MCC: variants seen among roughly 807,000 people sequenced by gnomAD.
The protein encoded by MCC is MCC regulator of Wnt signaling pathway.
A neutral mutation model predicts 116.2 loss-of-function variants in MCC; 90 were observed. That is an observed-to-expected ratio of 0.77 (90% CI 0.65 to 0.92). The LOEUF (loss-of-function observed/expected upper bound fraction) is 0.92, where lower values mean the gene tolerates loss of function less well. MCC is among the 40% of genes least tolerant of loss of function. The probability of loss-of-function intolerance (pLI) is 0.00; values close to 1 mark genes in which losing one functional copy is unlikely to be tolerated. For synonymous variants in MCC, 578 were observed against 510.5 expected (o/e 1.13, Z -1.78); for missense variants, 1,516 against 1,312.2 (o/e 1.16, Z -2.40).
chr5:113,370,036 A>G (rs1768799830), intron 2 of MCC, among the ~76,000 whole-genome samples: 1 of 152,244 alleles, frequency 6.6e-6, no homozygotes, highest in Non-Finnish European at 1.5e-5. Context: ...TTGGGGATAA[A>G]CCAAAGGAAT....
At chr5:113,295,119 C>T (rs1206729829) in intron 3 of MCC, among the ~76,000 whole-genome samples, 2 of 150,238 alleles carry the variant, frequency 1.3e-5, no homozygotes, top group African/African-American at 2.5e-5. Flanking sequence ...GGACCCGAGT[C>T]CAGGAGGGGG....
At chr5:113,260,851 A>C (rs981666788) in intron 3 of MCC, among the ~76,000 whole-genome samples, 2 of 152,064 alleles carry the variant, frequency 1.3e-5, no homozygotes, top group Non-Finnish European at 2.9e-5. Flanking sequence ...TGCAAATATG[A>C]GTTTTCCAAA....
At chr5:113,176,020 G>C (rs926004758) in intron 3 of MCC, among the ~76,000 whole-genome samples, 1 of 152,106 alleles carries the variant, frequency 6.6e-6, no homozygotes, top group African/African-American at 2.4e-5. Flanking sequence ...CATATCCTAG[G>C]CTGATTTTCA....
At chr5:113,446,811 A>G (rs1190594349) in intron 1 of MCC, among the ~76,000 whole-genome samples, 2 of 152,184 alleles carry the variant, frequency 1.3e-5, no homozygotes, top group Non-Finnish European at 2.9e-5. Context: ...GCAGGGAGGG[A>G]GAGGGCAAGG....
chr5:113,179,420 G>A lies in MCC; in HGVS notation c.628-27998C>T, dbSNP rs184347132. Among the ~76,000 whole-genome samples, 372 of 152,322 alleles carry A rather than the reference G, an allele frequency of 2.4e-3. 1 individual carries two copies. Among genetic ancestry groups the A allele is most frequent in the Non-Finnish European group, 3.3e-3 (224 of 68,016 alleles). ...TGTTAGTAACAGGAGAAGTACTTCA[G>A]GCAGTGCTCAGTACTCTGAAGTGAC... On this transcript the variant is annotated intron_variant, in intron 3 of 18. Coordinates refer to ENST00000408903, the MANE Select transcript of MCC (RefSeq NM_001085377.2).
intron 1 of MCC, among the ~76,000 whole-genome samples, chr5:113,441,882 T>C (rs938818811): frequency 2.6e-5 from 4 of 152,228 alleles, no homozygotes; most frequent in African/African-American, 9.7e-5. Flanking sequence ...ATTTTCTTTA[T>C]CCAGTCTATC....
intron 2 of MCC, among the ~76,000 whole-genome samples, chr5:113,343,794 C>T (rs67767339): frequency 0.091 from 13,913 of 152,186 alleles, 920 homozygotes; most frequent in Non-Finnish European, 0.12. Flanking sequence ...ATAAATTATA[C>T]ATTTAAACTT....
At chr5:113,169,207 A>C (rs1038972133) in intron 3 of MCC, among the ~76,000 whole-genome samples, 18 of 152,190 alleles carry the variant, frequency 1.2e-4, no homozygotes, top group African/African-American at 4.1e-4. Context: ...GAATCCAAAG[A>C]GTAGGGGGAA....
intron 3 of MCC, among the ~76,000 whole-genome samples, chr5:113,246,794 T>C (rs1286711344): frequency 6.6e-6 from 1 of 152,190 alleles, no homozygotes; most frequent in African/African-American, 2.4e-5. Context: ...TGTTTAATCA[T>C]CACAACAGGG....
At position 113,067,763 on chromosome 5, in the gene MCC, G is replaced by T. The variant is rs112182176; in HGVS notation, c.2029+317C>A. On this transcript the variant is annotated intron_variant, in intron 13 of 18. Transcript: ENST00000408903. ...GTGCCTTGACAACAGGCATCAGAGA[G>T]ACAGCTGCAGAAACGCTGGCCCCTT... Among the ~76,000 whole-genome samples the T allele has an allele frequency of 7.6e-3, 1,164 of 152,392 alleles. 13 individuals are homozygous for T. Among genetic ancestry groups the T allele is most frequent in the Middle Eastern group, 0.027 (8 of 294 alleles).
At chr5:113,111,280 CTCCCCATGGCTGT>C (rs1252109155) in intron 6 of MCC, among the ~76,000 whole-genome samples, 1 of 152,214 alleles carries the variant, frequency 6.6e-6, no homozygotes, top group East Asian at 1.9e-4. Flanking sequence ...ACATTGTCCC[CTCCCCATGGCTGT>C]GTGGTTTATC....
At chr5:113,103,691 T>C (rs1199513886) in intron 7 of MCC, among the ~76,000 whole-genome samples, 1 of 152,168 alleles carries the variant, frequency 6.6e-6, no homozygotes, top group Non-Finnish European at 1.5e-5. Flanking sequence ...TGAAGGAATA[T>C]AAAGATACCA....
chr5:113,214,400 C>A (rs1253257654), intron 3 of MCC, among the ~76,000 whole-genome samples: 2 of 152,228 alleles, frequency 1.3e-5, no homozygotes, highest in Non-Finnish European at 2.9e-5. Context: ...CTTGCGTGTT[C>A]ATTCGCTGCG....
chr5:113,075,927 G>A (rs928746026), intron 11 of MCC, among the ~76,000 whole-genome samples: 3 of 152,132 alleles, frequency 2.0e-5, no homozygotes, highest in Admixed American at 1.3e-4. Flanking sequence ...AACTCCAGAT[G>A]CGCCCCCTTT....
intron 4 of MCC, among the ~76,000 whole-genome samples, chr5:113,151,106 C>T (rs144011314): frequency 1.3e-5 from 2 of 152,294 alleles, no homozygotes; most frequent in African/African-American, 4.8e-5. Context: ...GACTTCGTAG[C>T]TTCTGGAACT....
At chr5:113,292,385 A>G (rs933921764) in intron 3 of MCC, among the ~76,000 whole-genome samples, 4 of 152,360 alleles carry the variant, frequency 2.6e-5, no homozygotes, top group Admixed American at 2.6e-4. Flanking sequence ...ATGAATGAGC[A>G]GACACCGATG....
rs1174713952 is a variant in MCC at position 113,243,383 on chromosome 5, T to C, written c.628-91961A>G. Among the ~76,000 whole-genome samples the C allele has an allele frequency of 4.6e-5, 7 of 152,344 alleles. No homozygotes were observed. The East Asian group carries it at 1.3e-3, about 29-fold the overall frequency. ...TACTTGTGAGTATCCTATACTCCTA[T>C]ACTCCAGGTCTCTGCCTTAACCCTT... On this transcript the variant is annotated intron_variant, in intron 3 of 18. Coordinates refer to ENST00000408903, the MANE Select transcript of MCC (RefSeq NM_001085377.2).
intron 3 of MCC, among the ~76,000 whole-genome samples, chr5:113,339,059 T>C (rs1767938068): frequency 6.8e-6 from 1 of 147,754 alleles, no homozygotes; most frequent in Non-Finnish European, 1.5e-5. Context: ...CTGTCTCTAC[T>C]AAAAAAAAAA....
At chr5:113,472,827 G>A (rs913223791) in intron 1 of MCC, among the ~76,000 whole-genome samples, 7 of 152,170 alleles carry the variant, frequency 4.6e-5, no homozygotes, top group African/African-American at 1.4e-4. Context: ...AGATTAACAT[G>A]GTACAGGAGT....
Sources: allele counts gnomAD v4.1 joint callset (sites outside exome capture counted in the v4.1 genomes callset), GRCh38; gene constraint gnomAD v4.1.1; transcripts MANE v1.5; gene names NCBI Gene and HGNC (gene_info 2026-07-23, HGNC 2026-07-21).